The following MYO16 variants were observed in gnomAD, a reference collection of about 807,000 sequenced individuals.
The protein encoded by MYO16 is unconventional myosin-XVI.
Under a neutral mutation model 205.3 loss-of-function variants are expected in MYO16, and 94 were observed. The ratio of observed to expected loss-of-function variants is 0.46; its 90% CI spans 0.39 to 0.54. MYO16 has a LOEUF of 0.54. Ranked by LOEUF, MYO16 falls within the 20% of genes least tolerant of loss-of-function variation. The pLI is 0.00. For synonymous variants in MYO16, 988 were observed against 954.0 expected, an observed-to-expected ratio of 1.04 and a Z score of -0.66; for missense variants, 2,315 against 2,387.5, an observed-to-expected ratio of 0.97 and a Z score of 0.63.
chr13:109,039,712 A>G (rs1481080371), intron 23 of MYO16, among the ~76,000 whole-genome samples: 4 of 152,220 alleles, frequency 2.6e-5, no homozygotes, highest in Admixed American at 2.0e-4. Context: ...ATTGAATGAG[A>G]AATGTATATC....
the MYO16 span, among the ~76,000 whole-genome samples, chr13:108,551,038 A>G: frequency 6.6e-6 from 1 of 152,144 alleles, no homozygotes; most frequent in Non-Finnish European, 1.5e-5. Flanking sequence ...CCGAAACAAC[A>G]TTGTTGCCTC....
At chr13:108,830,692 A>G (rs1876566083) in intron 9 of MYO16, among the ~76,000 whole-genome samples, 2 of 151,498 alleles carry the variant, frequency 1.3e-5, no homozygotes, top group African/African-American at 4.8e-5. Flanking sequence ...GCGCACCAGC[A>G]TGGCACATGT....
At chr13:108,598,306 TAG>T (rs746357745) in intron 1 of MYO16, among the ~76,000 whole-genome samples, 4 of 140,820 alleles carry the variant, frequency 2.8e-5, no homozygotes, top group Non-Finnish European at 4.7e-5. Context: ...ATTGTAGTGA[TAG>T]AGAGAGAGAG....
In MYO16 at chr13:108,602,175, C is replaced by T. The variant is rs528354556; in HGVS notation, c.-39+5936C>T. Among the ~76,000 whole-genome samples, 61 of 151,072 alleles carry T rather than the reference C, an allele frequency of 4.0e-4. No individual in the cohort carries two copies. In the South Asian group the frequency reaches 0.012, roughly 29 times the overall value. On this transcript the variant is annotated intron_variant, in intron 1 of 24. Transcript: ENST00000251041. ...CACCAGGTCTGCCAGTGCCTTGATC[C>T]GGGACTTCCCAGCCTCACAACTCTG... is the stretch of plus-strand genomic sequence containing the variant.
At chr13:109,149,343 C>T (rs536454754) in intron 32 of MYO16, among the ~76,000 whole-genome samples, 1 of 152,138 alleles carries the variant, frequency 6.6e-6, no homozygotes, top group Admixed American at 6.5e-5. Context: ...CCCCCTGGAC[C>T]CTTGCGTCTC....
At position 109,127,415 on chromosome 13, in the gene MYO16, G is replaced by A; in HGVS notation, c.3916G>A (p.Asp1306Asn). Residue 1306 changes from aspartate to asparagine, a missense_variant, in exon 31 of 35, where the codon GAT becomes AAT. By Grantham distance (23) the Asp-to-Asn change is conservative. Transcript: ENST00000457511. The surrounding 1 kb of genome is among the most constrained non-coding windows in gnomAD (Gnocchi z 4.2). ...TTCGCTGCACTCGGTGTTCAGCATG[G>A]ATGACAGCAGCAGCCTCCCGTCTCC... Reference protein sequence around the residue: ...SPSLHSVFSMDDSSSLPSPRK... With the variant: ...SPSLHSVFSMNDSSSLPSPRK... 6.2e-7 allele frequency: 1 copy of A among 1,614,042 alleles called. No individual in the cohort carries two copies. Among genetic ancestry groups the A allele is most frequent in the Non-Finnish European group, 8.5e-7 (1 of 1,179,998 alleles).
At chr13:109,083,464 T>C (rs1172827926) in intron 27 of MYO16, among the ~76,000 whole-genome samples, 3 of 148,322 alleles carry the variant, frequency 2.0e-5, no homozygotes, top group African/African-American at 7.5e-5. Flanking sequence ...TATTATGAAT[T>C]GTCCATTGGG....
At chr13:108,678,265 CAG>C (rs899406360) in intron 2 of MYO16, among the ~76,000 whole-genome samples, 3 of 152,190 alleles carry the variant, frequency 2.0e-5, no homozygotes, top group African/African-American at 7.2e-5. Context: ...CATTTGCAAA[CAG>C]TGTTAAAACT....
At position 108,716,075 on chromosome 13, in the gene MYO16, G is replaced by GT. The variant is rs762421590; in HGVS notation, c.363+3350dup. On this transcript the variant is annotated intron_variant, in intron 3 of 34. Coordinates refer to ENST00000457511, the MANE Select transcript of MYO16 (RefSeq NM_001198950.3). ...TAGATTATAATTAATGGAATATGTG[G>GT]TTTTTTCTCTCTGCTAGACTGAAAT... Among the ~76,000 whole-genome samples the GT allele has an allele frequency of 9.2e-5, 14 of 151,420 alleles. No homozygotes were observed. In the East Asian group the frequency reaches 2.1e-3, roughly 23 times the overall value.
intron 2 of MYO16, among the ~76,000 whole-genome samples, chr13:108,667,355 A>G (rs1248787708): frequency 6.8e-6 from 1 of 147,536 alleles, no homozygotes; most frequent in East Asian, 2.0e-4. Flanking sequence ...CTGCAATGAC[A>G]GTAACAGTGA....
rs945974183 is a variant in MYO16 at position 109,162,208 on chromosome 13, A to G, written c.5165-2693A>G. 3.0e-4 allele frequency among the ~76,000 whole-genome samples: 45 copies of G among 152,246 alleles called. No homozygotes were observed. Among genetic ancestry groups the G allele is most frequent in the South Asian group, 2.1e-4 (1 of 4,830 alleles). ...ATTTTGGCTGCAATTTAAATACATC[A>G]GTTGATGAGATAGAAATCAGTTGTG... On this transcript the variant is annotated intron_variant, in intron 32 of 34. Coordinates refer to ENST00000457511, the MANE Select transcript of MYO16 (RefSeq NM_001198950.3). The surrounding 1 kb of genome is among the most constrained non-coding windows in gnomAD (Gnocchi z 4.6).
the MYO16 span, among the ~76,000 whole-genome samples, chr13:108,528,562 CTCT>C: frequency 3.6e-5 from 5 of 138,576 alleles, no homozygotes; most frequent in African/African-American, 1.1e-4. Flanking sequence ...CTCTCCTCTC[CTCT>C]CCTCTCCCCT....
chr13:108,809,649 T>C (rs1887223938), intron 7 of MYO16, among the ~76,000 whole-genome samples: 1 of 152,188 alleles, frequency 6.6e-6, no homozygotes, highest in Non-Finnish European at 1.5e-5. Context: ...CACTGAACCA[T>C]GAGACATCTG....
chr13:109,045,725 A>G (rs1195690548), intron 23 of MYO16, among the ~76,000 whole-genome samples: 2 of 152,226 alleles, frequency 1.3e-5, no homozygotes, highest in African/African-American at 2.4e-5. Context: ...AAAAGCCTAT[A>G]GAAAGGAAGT....
intron 2 of MYO16, 150 bp downstream of exon 2, chr13:108,666,299 G>A: frequency 1.1e-6 from 1 of 889,192 alleles, no homozygotes; most frequent in South Asian, 2.2e-5. Context: ...TATTATTCAA[G>A]AAAAAAATGC....
intron 33 of MYO16, among the ~76,000 whole-genome samples, chr13:109,171,600 G>C (rs905386663): frequency 2.6e-5 from 4 of 151,880 alleles, no homozygotes; most frequent in African/African-American, 9.7e-5. Context: ...TCTTTTTTTT[G>C]TATATTTAAT....
At chr13:108,744,659 G>A (rs1481805467) in intron 4 of MYO16, among the ~76,000 whole-genome samples, 1 of 152,154 alleles carries the variant, frequency 6.6e-6, no homozygotes, top group East Asian at 1.9e-4. Flanking sequence ...ATCAGTGACT[G>A]CATCTTCATT....
intron 2 of MYO16, among the ~76,000 whole-genome samples, chr13:108,694,432 T>C (rs1883012840): frequency 6.6e-6 from 1 of 152,232 alleles, no homozygotes; most frequent in African/African-American, 2.4e-5. Context: ...CTTCACATCC[T>C]CACCAACACT....
chr13:109,159,400 G>A (rs759569530), intron 32 of MYO16, among the ~76,000 whole-genome samples: 8 of 152,114 alleles, frequency 5.3e-5, no homozygotes, highest in Non-Finnish European at 7.3e-5. Context: ...TAGTAAATGT[G>A]CAAGCTATTT....
Sources: gnomAD v4.1 joint callset for allele counts (sites outside exome capture counted in the v4.1 genomes callset) on GRCh38, gnomAD v4.1.1 for gene constraint, Gnocchi (gnomAD v3.1) non-coding constraint, MANE v1.5 for transcripts, NCBI Gene and HGNC (gene_info 2026-07-23, HGNC 2026-07-21) for gene names.